The following KIF5C variants were observed in gnomAD, a reference collection of about 807,000 sequenced individuals.
KIF5C encodes the protein kinesin heavy chain isoform 5C.
KIF5C carries 18 observed loss-of-function variants against 125.2 expected under a neutral mutation model. That is an observed-to-expected ratio of 0.14 (90% confidence interval 0.10 to 0.21). The LOEUF is 0.21. Among genes scored for constraint, KIF5C ranks in the 10% least tolerant of loss-of-function variants. The pLI is 1.00. For synonymous variants in KIF5C, 405 were observed against 434.0 expected (o/e 0.93, Z 0.83); for missense variants, 780 against 1,183.8 (o/e 0.66, Z 5.01).
At chr2:148,902,157 G>A (rs1479977441) in intron 1 of KIF5C, among the ~76,000 whole-genome samples, 1 of 152,080 alleles carries the variant, frequency 6.6e-6, no homozygotes, top group Non-Finnish European at 1.5e-5. Flanking sequence ...CCCTGTCTGT[G>A]CAGTGACTGT....
chr2:148,913,750 G>C (rs1018551915), intron 1 of KIF5C, among the ~76,000 whole-genome samples: 2 of 152,174 alleles, frequency 1.3e-5, no homozygotes, highest in Admixed American at 1.3e-4. Flanking sequence ...CCACCAGGGC[G>C]GTGTACCCCA....
intron 25 of KIF5C, among the ~76,000 whole-genome samples, chr2:149,012,243 C>T (rs552042199): frequency 1.3e-5 from 2 of 152,150 alleles, no homozygotes; most frequent in Non-Finnish European, 2.9e-5. Flanking sequence ...CACGACATTT[C>T]TCTCCCAGCA....
At chr2:148,932,987 A>C (rs1213539734) in intron 3 of KIF5C, among the ~76,000 whole-genome samples, 2 of 152,166 alleles carry the variant, frequency 1.3e-5, no homozygotes, top group Non-Finnish European at 2.9e-5. Context: ...TGCGGATAGA[A>C]TTATACAGGA....
At chr2:148,905,166 A>T (rs904169812) in intron 1 of KIF5C, among the ~76,000 whole-genome samples, 1 of 152,338 alleles carries the variant, frequency 6.6e-6, no homozygotes, top group African/African-American at 2.4e-5. Context: ...CATTGAAAGT[A>T]TATTTAAGGA....
chr2:148,948,845 A>G (rs1004171038), intron 8 of KIF5C, among the ~76,000 whole-genome samples: 2 of 152,180 alleles, frequency 1.3e-5, no homozygotes, highest in African/African-American at 4.8e-5. Flanking sequence ...AATAACATAG[A>G]CTGCTACTAT....
At chr2:148,938,282 A>G (rs1041020217) in intron 4 of KIF5C, among the ~76,000 whole-genome samples, 2 of 152,196 alleles carry the variant, frequency 1.3e-5, no homozygotes, top group Non-Finnish European at 2.9e-5. Context: ...TTTTTAAACA[A>G]TTGAGATATT....
chr2:148,890,775 A>T (rs1375191838), intron 1 of KIF5C, among the ~76,000 whole-genome samples: 1 of 152,192 alleles, frequency 6.6e-6, no homozygotes, highest in Non-Finnish European at 1.5e-5. Flanking sequence ...TCAGGTTCCC[A>T]TGAGGACGGG....
At chr2:148,941,692 C>A in intron 5 of KIF5C, 34 bp downstream of exon 5, 1 of 1,548,548 alleles carries the variant, frequency 6.5e-7, no homozygotes, top group Non-Finnish European at 8.7e-7. Context: ...TTTATTTGTT[C>A]TGTAACGAAA....
At chr2:148,951,089 C>T (rs2105114837) in intron 10 of KIF5C, among the ~76,000 whole-genome samples, 1 of 152,252 alleles carries the variant, frequency 6.6e-6, no homozygotes, top group African/African-American at 2.4e-5. Context: ...CTGGAGTCTA[C>T]CTTTTAGGTT....
chr2:148,932,940 A>T (rs1302933614), intron 3 of KIF5C, among the ~76,000 whole-genome samples: 1 of 152,130 alleles, frequency 6.6e-6, no homozygotes, highest in Non-Finnish European at 1.5e-5. Context: ...CTTCTTTCAT[A>T]TGTGCTCCTA....
chr2:148,957,603 A>AAC (rs1553466367), intron 10 of KIF5C, among the ~76,000 whole-genome samples: 31 of 142,954 alleles, frequency 2.2e-4, no homozygotes, highest in African/African-American at 3.5e-4. Flanking sequence ...AAAAAAAAAA[A>AAC]AAAAAAAAAA....
At chr2:148,981,663 ATAGT>A in intron 14 of KIF5C, 102 bp downstream of exon 14, 1 of 1,453,372 alleles carries the variant, frequency 6.9e-7, no homozygotes, top group Non-Finnish European at 9.1e-7. Context: ...CAGTGGCTGA[ATAGT>A]TATTCAGTGT....
Position 148,929,380 on chromosome 2 carries a change from G to A in KIF5C, c.291+26G>A, listed in dbSNP as rs543769676. The A allele has an allele frequency of 1.1e-5, 16 of 1,407,770 alleles. No homozygotes were observed. The Admixed American group carries it at 1.4e-4, about 12-fold the overall frequency. 87.2% of individuals were successfully genotyped at this position (1,407,770 alleles called of 1,614,324 possible). A position where few individuals can be genotyped will look rare whatever the true frequency, so the allele number is the denominator to read the frequency against. The stretch of plus-strand genomic sequence containing the variant: ...GTAAGATTACAATGTGCTCTAATGC[G>A]AATCTCTGAGATGACTGAATGGAAC... On this transcript the variant is annotated intron_variant, in intron 3 of 25. Transcript: ENST00000435030.
At chr2:148,962,675 T>G (rs752663496) in intron 11 of KIF5C, among the ~76,000 whole-genome samples, 21 of 152,208 alleles carry the variant, frequency 1.4e-4, no homozygotes, top group Non-Finnish European at 2.6e-4. Flanking sequence ...AGTGATTATC[T>G]GCAAGGCTGC....
chr2:148,883,228 G>A (rs1392717638), intron 1 of KIF5C, among the ~76,000 whole-genome samples: 2 of 152,160 alleles, frequency 1.3e-5, no homozygotes, highest in South Asian at 2.1e-4. Context: ...TTGGCCAGGC[G>A]CAGTGGCTCA....
At chr2:148,981,759 T>G (rs950070219) in intron 14 of KIF5C, among the ~76,000 whole-genome samples, 198 bp downstream of exon 14, 13 of 152,058 alleles carry the variant, frequency 8.5e-5, no homozygotes, top group Non-Finnish European at 1.3e-4. Context: ...GAACTGCATA[T>G]CATGACTGTT....
chr2:148,948,026 G>A (rs976765819), intron 8 of KIF5C: 10 of 456,412 alleles, frequency 2.2e-5, no homozygotes, highest in African/African-American at 4.0e-5. Flanking sequence ...AAAGTCATCC[G>A]GGTATTTCTA....
chr2:148,961,716 C>G (rs1194001018), intron 10 of KIF5C, among the ~76,000 whole-genome samples: 1 of 152,108 alleles, frequency 6.6e-6, no homozygotes, highest in Admixed American at 6.5e-5. Context: ...AGAGGAAACC[C>G]TGAGACAATT....
At chr2:148,946,758 C>A (rs1388026454) in intron 7 of KIF5C, 141 bp from the exon 8 acceptor site, 4 of 1,201,098 alleles carry the variant, frequency 3.3e-6, no homozygotes, top group Non-Finnish European at 4.5e-6. Context: ...AAACAGGGGT[C>A]TCAGATAATT....
Sources: gnomAD v4.1 joint callset for allele counts (sites outside exome capture counted in the v4.1 genomes callset) on GRCh38, gnomAD v4.1.1 for gene constraint, MANE v1.5 for transcripts, NCBI Gene and HGNC (gene_info 2026-07-23, HGNC 2026-07-21) for gene names.